Variants in G3BP1 observed in about 807,000 individuals in gnomAD.
G3BP1 encodes the protein ras GTPase-activating protein-binding protein 1.
Under a neutral mutation model 58.6 loss-of-function variants are expected in G3BP1, and 35 were observed. That is an observed-to-expected ratio of 0.60 (90% CI 0.46 to 0.79). The LOEUF (loss-of-function observed/expected upper bound fraction) is 0.79, where lower values mean the gene tolerates loss of function less well. Among genes scored for constraint, G3BP1 ranks in the 30% least tolerant of loss-of-function variants. The pLI is 0.00. For missense variants in G3BP1, 523 were observed against 580.8 expected (o/e 0.90, Z 1.02); for synonymous variants, 191 against 195.4 (o/e 0.98, Z 0.19).
intron 6 of G3BP1, 72 bp downstream of exon 6, chr5:151,795,647 G>A: frequency 5.6e-6 from 4 of 710,514 alleles, no homozygotes; most frequent in Non-Finnish European, 1.0e-5. Context: ...CTTTGTTGGA[G>A]GGCATTTACA....
At chr5:151,788,616 T>TGTGTG in intron 2 of G3BP1, among the ~76,000 whole-genome samples, 1 of 67,756 alleles carries the variant, frequency 1.5e-5, no homozygotes, top group Admixed American at 1.7e-4. Context: ...GTGTGTGTAT[T>TGTGTG]ATTTATTTAT....
chr5:151,801,729 G>A (rs778317838), intron 11 of G3BP1, among the ~76,000 whole-genome samples: 3 of 152,134 alleles, frequency 2.0e-5, no homozygotes, highest in African/African-American at 7.2e-5. Context: ...AATTAAAATT[G>A]TGTACTTTAA....
intron 8 of G3BP1, 24 bp downstream of exon 8, chr5:151,799,337 C>T: frequency 8.7e-7 from 1 of 1,155,024 alleles, no homozygotes; most frequent in Non-Finnish European, 1.3e-6. Context: ...AAAACTTGTA[C>T]ATTAGGCAAA....
At chr5:151,794,877 A>C (rs1163908602) in intron 5 of G3BP1, among the ~76,000 whole-genome samples, 1 of 152,266 alleles carries the variant, frequency 6.6e-6, no homozygotes, top group Non-Finnish European at 1.5e-5. Context: ...AGCCTGCATT[A>C]GATAACTGCC....
Position 151,797,373 on chromosome 5 carries a change from A to C in G3BP1, c.686A>C (p.Lys229Thr), listed in dbSNP as rs1319081018. The change falls in exon 7 of 12, where the codon AAG becomes ACG. Residue 229 changes from lysine (K) to threonine (T), a missense_variant. Around this residue, in one of 2 missense-constraint regions of G3BP1, gnomAD observed 398 missense variants for 399.1 expected, o/e 1.00. Transcript: ENST00000356245. The part of the protein sequence containing the change: ...LEETAPEDAQ[K>T]SSSPAPADIA... ...GAAACTGCCCCTGAGGATGCTCAGA[A>C]GAGTTCTTCTCCAGCACCTGCAGAC... is the stretch of plus-strand genomic sequence containing the variant. 1.9e-6 allele frequency: 3 copies of C among 1,613,958 alleles called. No homozygotes were observed. The East Asian group carries it at 6.7e-5, about 36-fold the overall frequency.
At position 151,812,155 on chromosome 5, in the gene G3BP1, A is replaced by G. The variant is rs1763027212; in HGVS notation, c.*8064A>G. On this transcript the variant is annotated 3_prime_UTR_variant, in exon 12 of 12. Transcript: ENST00000356245. ...CTACATCCCCAAAGTATTTGGAATC[A>G]CAGCATTGTAACTTGTGATTGTCTT... is the stretch of plus-strand genomic sequence containing the variant. 1 of 152,196 alleles carries G rather than the reference A, an allele frequency of 6.6e-6. No homozygotes were observed. Among genetic ancestry groups the G allele is most frequent in the Non-Finnish European group, 1.5e-5 (1 of 68,028 alleles). The allele number at this position is 152,196 out of a possible 1,614,324, so 9.4% of individuals were successfully genotyped here.
rs1443007048 is a variant in G3BP1 at position 151,806,629 on chromosome 5, C to T, written c.*2538C>T. 6.6e-6 allele frequency: 1 copy of T among 152,068 alleles called. No homozygotes were observed. Among genetic ancestry groups the T allele is most frequent in the Admixed American group, 6.6e-5 (1 of 15,252 alleles). 9.4% of individuals were successfully genotyped at this position (152,068 alleles called of 1,614,324 possible). A position where few individuals can be genotyped will look rare whatever the true frequency, so the allele number is the denominator to read the frequency against. On this transcript the variant is annotated 3_prime_UTR_variant, in exon 12 of 12. Coordinates refer to ENST00000356245, the MANE Select transcript of G3BP1 (RefSeq NM_005754.3). ...CTTAGAGATGTATACGTTTCCACTG[C>T]TGGAAAATCATTATAAGTTAGGGCA... is the stretch of plus-strand genomic sequence containing the variant.
chr5:151,777,059 A>G (rs989814015), intron 1 of G3BP1, among the ~76,000 whole-genome samples: 3 of 152,194 alleles, frequency 2.0e-5, no homozygotes, highest in African/African-American at 7.2e-5. Flanking sequence ...AGGAGGCGTC[A>G]GGAAGAATTG....
chr5:151,797,475 T>TAA, intron 7 of G3BP1, 47 bp downstream of exon 7: 1 of 1,540,176 alleles, frequency 6.5e-7, no homozygotes, highest in Non-Finnish European at 8.8e-7. Flanking sequence ...TTATTTTTTT[T>TAA]AAAAAAAGTT....
chr5:151,799,349 T>G, intron 8 of G3BP1, 36 bp downstream of exon 8: 1 of 1,018,634 alleles, frequency 9.8e-7, no homozygotes, highest in South Asian at 1.3e-5. Context: ...TTAGGCAAAT[T>G]TACTTCTATT....
In G3BP1 at chr5:151,790,388, C is replaced by A; in HGVS notation, c.161C>A (p.Ala54Glu). Residue 54 changes from alanine to glutamate, a missense_variant, in exon 3 of 12, where the codon GCA (alanine) becomes GAA (glutamate). Ala to Glu is a moderately radical substitution (Grantham distance 107). Coordinates refer to ENST00000356245, the MANE Select transcript of G3BP1 (RefSeq NM_005754.3). ...GATTCAAATGGAAAGCCAGCAGATG[C>A]AGTCTACGGACAGAAAGTAAGCATT... is the stretch of plus-strand genomic sequence containing the variant. ...GLDSNGKPAD[A>E]VYGQKEIHRK... The A allele has an allele frequency of 6.3e-7, 1 of 1,576,656 alleles. No homozygotes were observed. The highest frequency in any genetic ancestry group is 8.6e-7 in the Non-Finnish European group (1 of 1,158,238).
chr5:151,795,169 G>T (rs542943539), intron 5 of G3BP1, among the ~76,000 whole-genome samples: 2 of 152,140 alleles, frequency 1.3e-5, no homozygotes, highest in African/African-American at 4.8e-5. Context: ...CTAGCTATTC[G>T]GGAGACTGAG....
chr5:151,781,840 C>A (rs1762476551), intron 1 of G3BP1, among the ~76,000 whole-genome samples: 1 of 152,202 alleles, frequency 6.6e-6, no homozygotes, highest in South Asian at 2.1e-4. Flanking sequence ...AGCTTCTGAT[C>A]ACCAGTGTGC....
intron 1 of G3BP1, among the ~76,000 whole-genome samples, chr5:151,777,290 A>G (rs1029287226): frequency 6.6e-6 from 1 of 152,208 alleles, no homozygotes; most frequent in Non-Finnish European, 1.5e-5. Context: ...AAAATTTACA[A>G]AAATTTAATA....
chr5:151,793,913 C>T (rs1182638673), intron 4 of G3BP1, among the ~76,000 whole-genome samples: 1 of 151,514 alleles, frequency 6.6e-6, no homozygotes, highest in Non-Finnish European at 1.5e-5. Flanking sequence ...ACTTAGGAGG[C>T]TGAGGCAGGA....
At chr5:151,788,572 A>ATATGTG (rs1554080356) in intron 2 of G3BP1, among the ~76,000 whole-genome samples, 5 of 133,328 alleles carry the variant, frequency 3.8e-5, no homozygotes, top group South Asian at 2.5e-4. Flanking sequence ...CTAAGTTTAT[A>ATATGTG]TGTGTGTGTG....
intron 1 of G3BP1, among the ~76,000 whole-genome samples, chr5:151,785,709 A>C (rs1762544813): frequency 6.6e-6 from 1 of 152,200 alleles, no homozygotes; most frequent in Non-Finnish European, 1.5e-5. Context: ...AGTAGGAATT[A>C]TTTTGAGTAT....
chr5:151,786,875 C>T lies in G3BP1; in HGVS notation c.95+160C>T, dbSNP rs543632823. The T allele has an allele frequency of 1.6e-4, 88 of 565,318 alleles. 1 individual carries two copies. Among genetic ancestry groups the T allele is most frequent in the Admixed American group, 1.1e-3 (39 of 34,924 alleles). The allele number at this position is 565,318 out of a possible 1,614,324, so 35.0% of individuals were successfully genotyped here. On this transcript the variant is annotated intron_variant, in intron 2 of 11. Coordinates refer to ENST00000356245, the MANE Select transcript of G3BP1 (RefSeq NM_005754.3). ...ATTTTTTATTTGAGACAGAGTCTCG[C>T]CCTGTTGTCCAGACTGGAGTGCAGT...
At chr5:151,788,898 C>T (rs1437232336) in intron 2 of G3BP1, among the ~76,000 whole-genome samples, 1 of 151,992 alleles carries the variant, frequency 6.6e-6, no homozygotes, top group African/African-American at 2.4e-5. Context: ...CTGCCTTAGT[C>T]TCCCGAGTAG....
Sources: allele counts gnomAD v4.1 joint callset (sites outside exome capture counted in the v4.1 genomes callset), GRCh38; gene constraint gnomAD v4.1.1; regional missense constraint gnomAD v4.1.1; transcripts MANE v1.5; gene names NCBI Gene and HGNC (gene_info 2026-07-23, HGNC 2026-07-21).